Variants in ADGRL2 observed in about 807,000 individuals in gnomAD.
ADGRL2 encodes the protein calcium-independent alpha-latrotoxin receptor 2.
ADGRL2 carries 44 observed loss-of-function variants against 157.4 expected under a neutral mutation model. That is an observed-to-expected ratio of 0.28 (90% CI 0.22 to 0.36). The LOEUF is 0.36. Among genes scored for constraint, ADGRL2 ranks in the 10% least tolerant of loss-of-function variants. The pLI, the probability that ADGRL2 is intolerant of heterozygous loss-of-function variation, is 1.00. For missense variants in ADGRL2, 1,510 were observed against 1,768.9 expected, an observed-to-expected ratio of 0.85 and a Z score of 2.63; for synonymous variants, 585 against 624.7, an observed-to-expected ratio of 0.94 and a Z score of 0.95.
At position 81,451,877 on chromosome 1, in the gene ADGRL2, G is replaced by A. The variant is rs552840170; in HGVS notation, c.-248+6788G>A. Among the ~76,000 whole-genome samples, 62 of 151,734 alleles carry A rather than the reference G, an allele frequency of 4.1e-4. No homozygotes were observed. In the South Asian group the frequency reaches 4.4e-3, roughly 11 times the overall value. Reference sequence around the variant, plus strand: ...TATGAATATTACATTATAAAGACACGGCATTATAAAATAATACACCTGTCT... The same window carrying A: ...TATGAATATTACATTATAAAGACACAGCATTATAAAATAATACACCTGTCT... On this transcript the variant is annotated intron_variant, in intron 2 of 24. Transcript: ENST00000370721.
At chr1:81,498,399 T>C (rs1292593390) in intron 2 of ADGRL2, among the ~76,000 whole-genome samples, 1 of 152,192 alleles carries the variant, frequency 6.6e-6, no homozygotes, top group Non-Finnish European at 1.5e-5. Context: ...AAATGTCATA[T>C]CACAAGAATC....
chr1:81,462,348 A>G (rs1290770483), intron 2 of ADGRL2, among the ~76,000 whole-genome samples: 1 of 152,170 alleles, frequency 6.6e-6, no homozygotes. Context: ...TTTGCTGTTT[A>G]TCATAAATCT....
chr1:81,856,788 G>A (rs562773711), intron 2 of ADGRL2, among the ~76,000 whole-genome samples: 248 of 151,260 alleles, frequency 1.6e-3, no homozygotes, highest in Non-Finnish European at 2.2e-3. Context: ...TTATTTGTAG[G>A]GCATACTTAA....
At chr1:81,774,222 T>C in intron 2 of ADGRL2, among the ~76,000 whole-genome samples, 1 of 152,244 alleles carries the variant, frequency 6.6e-6, no homozygotes, top group Non-Finnish European at 1.5e-5. Flanking sequence ...AATCTAACCC[T>C]AAAATACATT....
In ADGRL2 at chr1:81,316,092, G is replaced by A. The variant is rs535350910; in HGVS notation, c.-302+9583G>A. 4.7e-5 allele frequency among the ~76,000 whole-genome samples: 7 copies of A among 150,410 alleles called. No homozygotes were observed. In the East Asian group the frequency reaches 1.4e-3, roughly 29 times the overall value. ...TAGCTGTTTGTCTACTCTATTTGTT[G>A]TATTGGCATCTTAGCATAGGATCAT... On this transcript the variant is annotated intron_variant, in intron 1 of 24. Coordinates refer to the ADGRL2 transcript ENST00000370721.
At chr1:81,732,747 A>G (rs534565796) in intron 1 of ADGRL2, among the ~76,000 whole-genome samples, 11 of 152,220 alleles carry the variant, frequency 7.2e-5, no homozygotes, top group Non-Finnish European at 1.5e-4. Context: ...AGACTAAGTG[A>G]CCTAACATTT....
intron 3 of ADGRL2, among the ~76,000 whole-genome samples, chr1:81,620,791 T>G (rs1328720249): frequency 1.3e-5 from 2 of 152,278 alleles, no homozygotes; most frequent in East Asian, 3.9e-4. Context: ...GTAATATAGA[T>G]AAGAAGATTT....
At chr1:81,409,442 T>A (rs556268884) in intron 1 of ADGRL2, among the ~76,000 whole-genome samples, 1 of 152,294 alleles carries the variant, frequency 6.6e-6, no homozygotes, top group East Asian at 1.9e-4. Context: ...GCTCTAAAAT[T>A]CAGAGGATAC....
chr1:81,987,365 G>C lies in ADGRL2; in HGVS notation c.3637+336G>C, dbSNP rs775246149. The C allele has an allele frequency of 3.6e-6, 5 of 1,372,232 alleles. No individual in the cohort carries two copies. In the Admixed American group the frequency reaches 8.4e-5, roughly 23 times the overall value. The allele number at this position is 1,372,232 out of a possible 1,614,324, so 85.0% of individuals were successfully genotyped here. ...AGGTATCCTATCTATATAATATACTGTTCAGTTAATTCTAAAGCTTGCTGA... is the reference window on the plus strand; with the variant it reads ...AGGTATCCTATCTATATAATATACTCTTCAGTTAATTCTAAAGCTTGCTGA... On this transcript the variant is annotated intron_variant, in intron 22 of 23. Coordinates refer to ENST00000686636, the MANE Select transcript of ADGRL2 (RefSeq NM_001366006.2).
chr1:81,442,965 A>T (rs1454864988), intron 1 of ADGRL2, among the ~76,000 whole-genome samples: 1 of 152,236 alleles, frequency 6.6e-6, no homozygotes, highest in Non-Finnish European at 1.5e-5. Flanking sequence ...GTCTCCAAAA[A>T]CCTACTCTGT....
chr1:81,858,478 A>T (rs528331293), intron 2 of ADGRL2, among the ~76,000 whole-genome samples: 1 of 152,174 alleles, frequency 6.6e-6, no homozygotes, highest in Non-Finnish European at 1.5e-5. Context: ...TTCCTGTAAA[A>T]TTCCTCTTAG....
At chr1:81,496,978 C>T (rs1184981080) in intron 2 of ADGRL2, among the ~76,000 whole-genome samples, 1 of 152,056 alleles carries the variant, frequency 6.6e-6, no homozygotes, top group African/African-American at 2.4e-5. Context: ...CTTAAAAACC[C>T]TTTTCATTTC....
chr1:81,522,648 G>T (rs760655585), intron 2 of ADGRL2, among the ~76,000 whole-genome samples: 30 of 152,096 alleles, frequency 2.0e-4, no homozygotes, highest in Non-Finnish European at 3.4e-4. Flanking sequence ...ATATGTACTT[G>T]CTTGCTGATT....
At chr1:81,548,507 A>G (rs1351660572) in intron 2 of ADGRL2, among the ~76,000 whole-genome samples, 2 of 151,922 alleles carry the variant, frequency 1.3e-5, no homozygotes, top group Non-Finnish European at 2.9e-5. Context: ...AGTAGCTTTA[A>G]AATTACTTAG....
intron 2 of ADGRL2, among the ~76,000 whole-genome samples, chr1:81,573,891 A>C (rs1361299362): frequency 6.6e-6 from 1 of 152,176 alleles, no homozygotes; most frequent in Non-Finnish European, 1.5e-5. Context: ...ACATAGTCTC[A>C]AAGACTCAGA....
intron 2 of ADGRL2, among the ~76,000 whole-genome samples, chr1:81,879,950 C>T (rs1369852950): frequency 6.6e-6 from 1 of 152,138 alleles, no homozygotes; most frequent in Non-Finnish European, 1.5e-5. Context: ...TCACTTGAAT[C>T]CTGGAGGTGG....
At chr1:81,526,106 T>C (rs1315921041) in intron 2 of ADGRL2, among the ~76,000 whole-genome samples, 1 of 152,194 alleles carries the variant, frequency 6.6e-6, no homozygotes, top group Non-Finnish European at 1.5e-5. Context: ...TTATAGACAA[T>C]TACATAAAAG....
intron 11 of ADGRL2, among the ~76,000 whole-genome samples, chr1:81,959,426 T>G (rs1021242691): frequency 1.3e-5 from 2 of 152,186 alleles, no homozygotes; most frequent in Non-Finnish European, 2.9e-5. Context: ...AAATATGCAT[T>G]CTGAGTATTT....
intron 1 of ADGRL2, among the ~76,000 whole-genome samples, chr1:81,702,644 A>T (rs1208838886): frequency 6.6e-6 from 1 of 152,166 alleles, no homozygotes; most frequent in African/African-American, 2.4e-5. Context: ...AAACAAAACA[A>T]AAACAAAAAC....
Sources: gnomAD v4.1 joint callset for allele counts (sites outside exome capture counted in the v4.1 genomes callset) on GRCh38, gnomAD v4.1.1 for gene constraint, MANE v1.5 for transcripts, NCBI Gene and HGNC (gene_info 2026-07-23, HGNC 2026-07-21) for gene names.